The following TRIP4 variants were observed in gnomAD, a reference collection of about 807,000 sequenced individuals.
The protein encoded by TRIP4 is activating signal cointegrator 1.
TRIP4 carries 54 observed loss-of-function variants against 81.8 expected under a neutral mutation model. That is an observed-to-expected ratio of 0.66 (90% CI 0.53 to 0.83). The LOEUF (loss-of-function observed/expected upper bound fraction) is 0.83, where lower values mean the gene tolerates loss of function less well. TRIP4 is among the 40% of genes least tolerant of loss of function. The pLI is 0.00. For synonymous variants in TRIP4, 270 were observed against 242.8 expected (o/e 1.11, Z -1.04); for missense variants, 662 against 683.6 (o/e 0.97, Z 0.35).
At chr15:64,397,541 T>A (rs1288873209) in intron 3 of TRIP4, 65 bp from the exon 4 acceptor site, 11 of 1,538,026 alleles carry the variant, frequency 7.2e-6, no homozygotes, top group Non-Finnish European at 9.8e-6. Flanking sequence ...ACGGAGCATT[T>A]TCTCCCTTGA....
intron 9 of TRIP4, 44 bp downstream of exon 9, chr15:64,418,772 A>C: frequency 6.7e-7 from 1 of 1,497,240 alleles, no homozygotes; most frequent in Non-Finnish European, 8.9e-7. Flanking sequence ...TCTTAGAGTG[A>C]CATAAATTTA....
chr15:64,397,527 C>A, intron 3 of TRIP4, 79 bp from the exon 4 acceptor site: 1 of 1,408,870 alleles, frequency 7.1e-7, no homozygotes, highest in Non-Finnish European at 9.8e-7. Context: ...TGTTACTGAA[C>A]AGAACGGAGC....
chr15:64,434,862 G>T (rs1892354704), intron 11 of TRIP4, among the ~76,000 whole-genome samples: 2 of 151,970 alleles, frequency 1.3e-5, no homozygotes, highest in Admixed American at 1.3e-4. Flanking sequence ...ATCTGTTCAG[G>T]ACTCCTTGGT....
At chr15:64,403,260 G>T (rs1396581346) in intron 5 of TRIP4, among the ~76,000 whole-genome samples, 1 of 151,930 alleles carries the variant, frequency 6.6e-6, no homozygotes, top group African/African-American at 2.4e-5. Flanking sequence ...GGGTTCAAGC[G>T]ATTCTCCTGC....
At chr15:64,443,894 C>T (rs1465068823) in intron 11 of TRIP4, among the ~76,000 whole-genome samples, 1 of 152,102 alleles carries the variant, frequency 6.6e-6, no homozygotes, top group Non-Finnish European at 1.5e-5. Context: ...CATGTCCCAC[C>T]TCTTCCACAC....
intron 1 of TRIP4, among the ~76,000 whole-genome samples, chr15:64,391,970 CAAA>C (rs35193532): frequency 8.6e-5 from 2 of 23,242 alleles, no homozygotes; most frequent in South Asian, 2.1e-3. Flanking sequence ...GACTCTGTCT[CAAA>C]AAAAAAAAAA....
At chr15:64,404,021 G>A (rs915465786) in intron 5 of TRIP4, among the ~76,000 whole-genome samples, 1 of 151,730 alleles carries the variant, frequency 6.6e-6, no homozygotes, top group Non-Finnish European at 1.5e-5. Context: ...GAGAAACCCC[G>A]TCTCTACCAA....
intron 5 of TRIP4, among the ~76,000 whole-genome samples, chr15:64,403,233 T>C (rs1891551898): frequency 6.6e-6 from 1 of 152,112 alleles, no homozygotes; most frequent in African/African-American, 2.4e-5. Flanking sequence ...CTTGGCTGAC[T>C]GCAACCTCTG....
At chr15:64,401,824 G>C (rs1764719425) in intron 5 of TRIP4, among the ~76,000 whole-genome samples, 1 of 152,122 alleles carries the variant, frequency 6.6e-6, no homozygotes, top group South Asian at 2.1e-4. Context: ...AGTAGTAACT[G>C]CCACAAGCAC....
At chr15:64,391,832 G>T (rs1373459748) in intron 1 of TRIP4, among the ~76,000 whole-genome samples, 2 of 151,478 alleles carry the variant, frequency 1.3e-5, no homozygotes, top group Non-Finnish European at 2.9e-5. Flanking sequence ...TTAGCCGGGC[G>T]CAGTGGTGCA....
rs1555411171 is a variant in TRIP4 at position 64,431,847 on chromosome 15, A to ATTTTT, written c.1575+6220_1575+6224dup. On this transcript the variant is annotated intron_variant, in intron 11 of 12. Transcript: ENST00000261884. ...CCATTTATATTATATATATATATAT[A>ATTTTT]TTTTTTTTATCCAAAGAGCATTGTG... Among the ~76,000 whole-genome samples, 98 of 119,548 alleles carry ATTTTT rather than the reference A, an allele frequency of 8.2e-4. 1 individual carries two copies. Among genetic ancestry groups the ATTTTT allele is most frequent in the Non-Finnish European group, 8.7e-4 (53 of 61,270 alleles). The allele number at this position is 119,548 out of a possible 152,430, so 78.4% of individuals were successfully genotyped here.
chr15:64,452,720 C>T (rs954464336), intron 12 of TRIP4, among the ~76,000 whole-genome samples: 1 of 152,116 alleles, frequency 6.6e-6, no homozygotes, highest in African/African-American at 2.4e-5. Context: ...GCCTCAGGAA[C>T]AAATTATTCC....
intron 1 of TRIP4, among the ~76,000 whole-genome samples, chr15:64,391,682 C>A (rs143673005): frequency 0.017 from 2,648 of 151,836 alleles, 39 homozygotes; most frequent in South Asian, 0.057. Context: ...AAAAATACTC[C>A]AGGGTTGGCC....
At chr15:64,417,853 T>C (rs1891922710) in intron 8 of TRIP4, among the ~76,000 whole-genome samples, 1 of 152,228 alleles carries the variant, frequency 6.6e-6, no homozygotes, top group African/African-American at 2.4e-5. Flanking sequence ...TGTTGAACTT[T>C]CATTTAGCTC....
At chr15:64,408,165 T>TTA (rs1445081454) in intron 6 of TRIP4, among the ~76,000 whole-genome samples, 51 of 150,542 alleles carry the variant, frequency 3.4e-4, no homozygotes, top group African/African-American at 1.2e-3. Context: ...TTATTTTTGT[T>TTA]TTTTTTTTTT....
At chr15:64,401,241 T>C (rs957365991) in intron 5 of TRIP4, among the ~76,000 whole-genome samples, 1 of 152,026 alleles carries the variant, frequency 6.6e-6, no homozygotes, top group Non-Finnish European at 1.5e-5. Flanking sequence ...TTCAAGCAAT[T>C]CTCCTGCCTC....
At chr15:64,389,252 G>A (rs1900044973) in intron 1 of TRIP4, among the ~76,000 whole-genome samples, 3 of 152,124 alleles carry the variant, frequency 2.0e-5, no homozygotes, top group Admixed American at 6.6e-5. Flanking sequence ...GCTGTTCTAG[G>A]GCTTTTGTAG....
chr15:64,432,755 C>CA, intron 11 of TRIP4, among the ~76,000 whole-genome samples: 1 of 148,436 alleles, frequency 6.7e-6, no homozygotes, highest in African/African-American at 2.5e-5. Context: ...ACTAAAAATA[C>CA]AAAAAATTAG....
intron 1 of TRIP4, among the ~76,000 whole-genome samples, chr15:64,391,920 A>C (rs1900142921): frequency 7.2e-6 from 1 of 138,682 alleles, no homozygotes; most frequent in Non-Finnish European, 1.6e-5. Context: ...GCAGTGAGCC[A>C]AGATAGCACC....
Sources: allele counts gnomAD v4.1 joint callset (sites outside exome capture counted in the v4.1 genomes callset), GRCh38; gene constraint gnomAD v4.1.1; transcripts MANE v1.5; gene names NCBI Gene and HGNC (gene_info 2026-07-23, HGNC 2026-07-21).